The following SAG variants were observed in gnomAD, a reference collection of about 807,000 sequenced individuals.
SAG encodes S-arrestin.
A neutral mutation model predicts 55.0 loss-of-function variants in SAG; 45 were observed. That is an observed-to-expected ratio of 0.82 (90% confidence interval 0.64 to 1.05). The LOEUF (loss-of-function observed/expected upper bound fraction) is 1.05, where lower values mean the gene tolerates loss of function less well. SAG is among the 50% of genes least tolerant of loss of function. The pLI is 0.00. For synonymous variants in SAG, 189 were observed against 197.4 expected (o/e 0.96, Z 0.36); for missense variants, 455 against 512.1 (o/e 0.89, Z 1.08).
Position 233,315,281 on chromosome 2 carries a change from CTTTTTTTTTTTT to C in SAG, c.76-776_76-765del, listed in dbSNP as rs5839476. 4.8e-3 allele frequency among the ~76,000 whole-genome samples: 333 copies of C among 69,420 alleles called. 2 individuals are homozygous for C. The highest frequency in any genetic ancestry group is 0.035 in the Middle Eastern group (3 of 86). The allele number at this position is 69,420 out of a possible 152,430, so 45.5% of individuals were successfully genotyped here. On this transcript the variant is annotated intron_variant, in intron 2 of 15. Transcript: ENST00000409110. ...CACCTCTTTGCGTTGTCCAGAAGTTCTTTTTTTTTTTTTTTTTTTTTTTTTTTTTGAGACAGA... is the reference window on the plus strand; with the variant it reads ...CACCTCTTTGCGTTGTCCAGAAGTTCTTTTTTTTTTTTTTTTTGAGACAGA...
At chr2:233,323,629 C>T (rs1351735439) in intron 6 of SAG, among the ~76,000 whole-genome samples, 1 of 152,188 alleles carries the variant, frequency 6.6e-6, no homozygotes, top group Non-Finnish European at 1.5e-5. Context: ...TCCCAAAGTC[C>T]TGGGATTACA....
chr2:233,326,975 C>G, intron 6 of SAG, 146 bp from the exon 7 acceptor site: 1 of 625,322 alleles, frequency 1.6e-6, no homozygotes, highest in South Asian at 2.0e-5. Context: ...TTCCAAATCC[C>G]TAAATGGTGC....
intron 11 of SAG, among the ~76,000 whole-genome samples, chr2:233,336,389 C>G (rs1025451428): frequency 2.6e-5 from 4 of 151,982 alleles, no homozygotes; most frequent in Non-Finnish European, 5.9e-5. Flanking sequence ...GTGGTGGGTG[C>G]CTGTAATCTC....
intron 9 of SAG, 38 bp from the exon 10 acceptor site, chr2:233,331,602 C>T (rs988798693): frequency 7.2e-7 from 1 of 1,383,672 alleles, no homozygotes; most frequent in Non-Finnish European, 1.0e-6. Flanking sequence ...TGTTGGGGGA[C>T]CAGTGCTGAC....
rs561145941 is a variant in SAG, at chr2:233,316,474, G to A, written c.136+339G>A. Among the ~76,000 whole-genome samples, 5 of 152,090 alleles carry A rather than the reference G, an allele frequency of 3.3e-5. No homozygotes were observed. The South Asian group carries it at 1.0e-3, about 32-fold the overall frequency. On this transcript the variant is annotated intron_variant, in intron 3 of 15. Coordinates refer to ENST00000409110, the MANE Select transcript of SAG (RefSeq NM_000541.5). ...TTACAGGAATGCATCACCACGCCCA[G>A]CTAATTTTGTATTTTTAGTAGAGAT...
intron 5 of SAG, 21 bp from the exon 6 acceptor site, chr2:233,322,925 T>C (rs1192073518): frequency 1.4e-6 from 2 of 1,468,100 alleles, no homozygotes; most frequent in Non-Finnish European, 9.3e-7. Flanking sequence ...TAAATGATTT[T>C]TTATTTGTTT....
intron 4 of SAG, 63 bp from the exon 5 acceptor site, chr2:233,320,567 C>A (rs536688717): frequency 1.5e-6 from 2 of 1,324,550 alleles, no homozygotes; most frequent in Non-Finnish European, 2.1e-6. Flanking sequence ...CTGCCCATTC[C>A]GTCAGTGGTG....
chr2:233,327,356 T>G (rs932944313), intron 7 of SAG, 159 bp downstream of exon 7: 8 of 532,602 alleles, frequency 1.5e-5, no homozygotes, highest in Admixed American at 6.7e-5. Flanking sequence ...TGATCATTTT[T>G]GGGGAAAAAA....
chr2:233,313,320 GCAGAGCCGCTGTGGC>G (rs1223955164), intron 2 of SAG, among the ~76,000 whole-genome samples: 1 of 152,218 alleles, frequency 6.6e-6, no homozygotes, highest in East Asian at 1.9e-4. Flanking sequence ...GGGAGCTGTG[GCAGAGCCGCTGTGGC>G]CAGAGCCCAG....
chr2:233,329,581 G>T lies in SAG; in HGVS notation c.733+4G>T. The T allele has an allele frequency of 6.3e-7, 1 of 1,594,742 alleles. No individual in the cohort carries two copies. ...GTGAAGAAGATTAAAGCATTCGGTA[G>T]GACCTTCTTCTCAGAAGTAGAGGGC... On this transcript the variant is annotated splice_donor_region_variant and intron_variant, in intron 9 of 15. Transcript: ENST00000409110.
chr2:233,329,606 C>T, intron 9 of SAG, 29 bp downstream of exon 9: 1 of 1,475,308 alleles, frequency 6.8e-7, no homozygotes, highest in Non-Finnish European at 9.5e-7. Context: ...AAGTAGAGGG[C>T]ATAGTCTTCT....
chr2:233,313,401 G>A lies in SAG; in HGVS notation c.76-2674G>A, dbSNP rs1300968156. On this transcript the variant is annotated intron_variant, in intron 2 of 15. Coordinates refer to ENST00000409110, the MANE Select transcript of SAG (RefSeq NM_000541.5). ...TCAGGGTGGCCACGCACAAGGCGCT[G>A]GGGTTTATTCCACAGAGAAGGAGTG... 5.9e-5 allele frequency among the ~76,000 whole-genome samples: 9 copies of A among 152,230 alleles called. No individual in the cohort carries two copies. The East Asian group carries it at 1.7e-3, about 29-fold the overall frequency.
At chr2:233,326,200 C>T (rs1265599926) in intron 6 of SAG, among the ~76,000 whole-genome samples, 1 of 152,136 alleles carries the variant, frequency 6.6e-6, no homozygotes, top group Non-Finnish European at 1.5e-5. Context: ...CTGGCAGATC[C>T]GTTCATTCAG....
chr2:233,337,013 T>C (rs1326151285), intron 11 of SAG, among the ~76,000 whole-genome samples: 1 of 152,008 alleles, frequency 6.6e-6, no homozygotes, highest in African/African-American at 2.4e-5. Context: ...ACAGGATAGC[T>C]TGAGCCCAGG....
chr2:233,310,327 C>T (rs952540049), intron 2 of SAG, among the ~76,000 whole-genome samples: 4 of 152,066 alleles, frequency 2.6e-5, no homozygotes, highest in East Asian at 1.9e-4. Flanking sequence ...TATTTCAGCC[C>T]ACTATATCCA....
At chr2:233,314,931 G>C (rs1227453899) in intron 2 of SAG, among the ~76,000 whole-genome samples, 1 of 152,200 alleles carries the variant, frequency 6.6e-6, no homozygotes, top group African/African-American at 2.4e-5. Flanking sequence ...ATGAAAGAGT[G>C]TACTCTCATT....
intron 2 of SAG, among the ~76,000 whole-genome samples, chr2:233,309,924 G>A (rs1210032026): frequency 6.6e-6 from 1 of 152,130 alleles, no homozygotes; most frequent in Non-Finnish European, 1.5e-5. Context: ...GATGCCCTTG[G>A]CCTTTTGTCT....
intron 9 of SAG, among the ~76,000 whole-genome samples, chr2:233,330,536 CCTT>C (rs1700725933): frequency 1.5e-5 from 2 of 136,120 alleles, no homozygotes; most frequent in Non-Finnish European, 3.1e-5. Flanking sequence ...TTCCTTCCTT[CCTT>C]CCTCCCTTTC....
At chr2:233,326,221 G>A (rs1056908679) in intron 6 of SAG, among the ~76,000 whole-genome samples, 1 of 152,150 alleles carries the variant, frequency 6.6e-6, no homozygotes, top group African/African-American at 2.4e-5. Context: ...CCCACACAAT[G>A]CTTAAAAGTC....
Sources: gnomAD v4.1 joint callset for allele counts (sites outside exome capture counted in the v4.1 genomes callset) on GRCh38, gnomAD v4.1.1 for gene constraint, MANE v1.5 for transcripts, NCBI Gene and HGNC (gene_info 2026-07-23, HGNC 2026-07-21) for gene names.